SCO1: variants seen among roughly 807,000 people sequenced by gnomAD.
The protein encoded by SCO1 is synthesis of cytochrome C oxidase 1.
SCO1 carries 23 observed loss-of-function variants against 34.0 expected under a neutral mutation model. The observed-to-expected ratio is 0.68, with a 90% CI of 0.49 to 0.96. The LOEUF (loss-of-function observed/expected upper bound fraction) is 0.96, where lower values mean the gene tolerates loss of function less well. Among genes scored for constraint, SCO1 ranks in the 40% least tolerant of loss-of-function variants. The pLI is 0.00. For synonymous variants in SCO1, 161 were observed against 145.5 expected (o/e 1.11, Z -0.77); for missense variants, 404 against 381.6 (o/e 1.06, Z -0.49).
intron 4 of SCO1, among the ~76,000 whole-genome samples, chr17:10,688,183 T>C (rs1013947752): frequency 6.6e-6 from 1 of 152,190 alleles, no homozygotes; most frequent in Non-Finnish European, 1.5e-5. Flanking sequence ...AACTGAAAAC[T>C]GCTGTTTGAA....
At position 10,697,524 on chromosome 17, in the gene SCO1, G is replaced by T; in HGVS notation, c.-17C>A. The T allele has an allele frequency of 6.2e-7, 1 of 1,612,872 alleles. No individual in the cohort carries two copies. The highest frequency in any genetic ancestry group is 8.5e-7 in the Non-Finnish European group (1 of 1,179,782). ...CATCGCCATGAGCCTCGGAGACCGGGTCTCCTTTGACCCTCCCCGCGATTT... is the reference window on the plus strand; with the variant it reads ...CATCGCCATGAGCCTCGGAGACCGGTTCTCCTTTGACCCTCCCCGCGATTT... On this transcript the variant is annotated 5_prime_UTR_variant, in exon 1 of 6. Coordinates refer to ENST00000255390, the MANE Select transcript of SCO1 (RefSeq NM_004589.4).
rs2074554095 is a variant in SCO1, at chr17:10,672,651, T to C, written c.*8468A>G. 6.6e-6 allele frequency: 1 copy of C among 152,220 alleles called. No homozygotes were observed. Among genetic ancestry groups the C allele is most frequent in the Non-Finnish European group, 1.5e-5 (1 of 68,034 alleles). The allele number at this position is 152,220 out of a possible 1,614,324, so 9.4% of individuals were successfully genotyped here. On this transcript the variant is annotated 3_prime_UTR_variant, in exon 6 of 6. Transcript: ENST00000255390. The stretch of plus-strand genomic sequence containing the variant: ...CCCTGGCAATCATTTGCCACTGCAA[T>C]ATTATTAGGCCTGTGTTGAAGACTT...
At chr17:10,681,364 T>C (rs1182900549) in intron 5 of SCO1, 111 bp from the exon 6 acceptor site, 7 of 1,133,206 alleles carry the variant, frequency 6.2e-6, no homozygotes, top group Non-Finnish European at 9.2e-6. Context: ...TAAATAACCT[T>C]TACAGCATCT....
intron 5 of SCO1, chr17:10,684,101 A>T (rs1373110292): frequency 6.6e-6 from 1 of 152,254 alleles, no homozygotes; most frequent in African/African-American, 2.4e-5. Context: ...AATCTCATCA[A>T]AAGTCAAATT....
chr17:10,687,335 G>GTTAA (rs57095145), intron 4 of SCO1, among the ~76,000 whole-genome samples: 6,059 of 152,162 alleles, frequency 0.04, 389 homozygotes, highest in African/African-American at 0.13. Context: ...AAAAAAACTG[G>GTTAA]TTAATTAATA....
In SCO1 at chr17:10,687,455, G is replaced by A. The variant is rs372857261; in HGVS notation, c.656-613C>T. Among the ~76,000 whole-genome samples the A allele has an allele frequency of 1.5e-3, 225 of 152,298 alleles. 2 individuals carry two copies. The highest frequency in any genetic ancestry group is 5.1e-3 in the African/African-American group (212 of 41,560). ...GAATTCATGTAAGTGAACCGGTAGA[G>A]GTCACTTAAAACAACTGGATTCATC... On this transcript the variant is annotated intron_variant, in intron 4 of 5. Transcript: ENST00000255390.
At chr17:10,689,586 A>G (rs1337191466) in intron 4 of SCO1, among the ~76,000 whole-genome samples, 1 of 152,174 alleles carries the variant, frequency 6.6e-6, no homozygotes, top group Non-Finnish European at 1.5e-5. Flanking sequence ...CTAAGCATCC[A>G]CTCTCAATTC....
Position 10,673,974 on chromosome 17 carries a change from G to A in SCO1, c.*7145C>T, listed in dbSNP as rs1285970086. 6.6e-6 allele frequency: 1 copy of A among 152,194 alleles called. No individual in the cohort carries two copies. The highest frequency in any genetic ancestry group is 1.5e-5 in the Non-Finnish European group (1 of 68,040). The allele number at this position is 152,194 out of a possible 1,614,324, so 9.4% of individuals were successfully genotyped here. On this transcript the variant is annotated 3_prime_UTR_variant, in exon 6 of 6. Coordinates refer to ENST00000255390, the MANE Select transcript of SCO1 (RefSeq NM_004589.4). ...TCATGGGAGCGAAATTAAATAAAGA[G>A]CTTCCTGGAGGGGGAAAGATTACTT...
Position 10,697,467 on chromosome 17 carries a change from G to A in SCO1, c.41C>T (p.Pro14Leu), listed in dbSNP as rs141606021. ...GAAGCGCCAAAGTTGGCCACCCAGA[G>A]GCCGCATAACTCGTCCGGGTACTAG... ...LVLVPGRVMR[P>L]LGGQLWRFLP... Residue 14 changes from proline (P) to leucine (L), a missense_variant, in exon 1 of 6, where the codon CCT becomes CTT. By Grantham distance (98) the Pro-to-Leu change is moderately conservative (BLOSUM62 -3). Transcript: ENST00000255390. 152 of 1,613,456 alleles carry A rather than the reference G, an allele frequency of 9.4e-5. No individual in the cohort carries two copies. In the African/African-American group the frequency reaches 1.9e-3, roughly 20 times the overall value.
At position 10,679,564 on chromosome 17, in the gene SCO1, G is replaced by T. The variant is rs1470598950; in HGVS notation, c.*1555C>A. 6.6e-6 allele frequency: 1 copy of T among 152,088 alleles called. No individual in the cohort carries two copies. Among genetic ancestry groups the T allele is most frequent in the African/African-American group, 2.4e-5 (1 of 41,402 alleles). 9.4% of individuals were successfully genotyped at this position (152,088 alleles called of 1,614,324 possible). ...TGTCTATCTAGGCATTATATTTGTT[G>T]CATCTTAGGATTTACTGAAAAACTT... On this transcript the variant is annotated 3_prime_UTR_variant, in exon 6 of 6. Transcript: ENST00000255390.
intron 4 of SCO1, among the ~76,000 whole-genome samples, chr17:10,690,048 T>C (rs140108954): frequency 7.2e-5 from 11 of 152,116 alleles, no homozygotes; most frequent in Middle Eastern, 3.4e-3. Flanking sequence ...AAATCAAATA[T>C]AAATGTAGGA....
intron 4 of SCO1, among the ~76,000 whole-genome samples, chr17:10,690,431 G>GA (rs1458929937): frequency 6.6e-6 from 1 of 152,074 alleles, no homozygotes; most frequent in East Asian, 1.9e-4. Flanking sequence ...ACAAGTATAT[G>GA]AAAAAATGCT....
Position 10,692,880 on chromosome 17 carries a change from C to G in SCO1, c.446G>C (p.Arg149Pro), listed in dbSNP as rs764694798. ...ACCCAAGTAGTCCTTGTCAGTTTTA[C>G]GCTCCCCAGTATGAGTTGTGAGGGA... ...PFSLTTHTGE[R>P]KTDKDYLGQW... The change falls in exon 3 of 6, where the codon CGT (arginine) becomes CCT (proline). Residue 149 changes from arginine (R) to proline (P), a missense_variant. Coordinates refer to ENST00000255390, the MANE Select transcript of SCO1 (RefSeq NM_004589.4). 1 of 1,614,088 alleles carries G rather than the reference C, an allele frequency of 6.2e-7. No individual in the cohort carries two copies. The highest frequency in any genetic ancestry group is 8.5e-7 in the Non-Finnish European group (1 of 1,179,982).
chr17:10,683,817 T>C (rs2074637299), intron 5 of SCO1: 1 of 152,074 alleles, frequency 6.6e-6, no homozygotes, highest in South Asian at 2.1e-4. Flanking sequence ...TCGATCACTC[T>C]GAAGAGTCCA....
intron 4 of SCO1, among the ~76,000 whole-genome samples, chr17:10,688,838 C>T (rs1055358448): frequency 5.7e-5 from 8 of 141,002 alleles, no homozygotes; most frequent in Admixed American, 3.4e-4. Flanking sequence ...TTCTGCAGGC[C>T]GGGCGCGGTG....
Position 10,673,382 on chromosome 17 carries a change from G to GTGC in SCO1, c.*7734_*7736dup, listed in dbSNP as rs2074559789. On this transcript the variant is annotated 3_prime_UTR_variant, in exon 6 of 6. Transcript: ENST00000255390. Reference sequence around the variant, plus strand: ...CAATCAATCAGTGAATGACTGTCTTGTGCTGTGATCCCGCACGTTCCCGAC... The same window carrying GTGC: ...CAATCAATCAGTGAATGACTGTCTTGTGCTGCTGTGATCCCGCACGTTCCCGAC... 6.6e-6 allele frequency: 1 copy of GTGC among 152,116 alleles called. No individual in the cohort carries two copies. The highest frequency in any genetic ancestry group is 1.5e-5 in the Non-Finnish European group (1 of 68,060). The allele number at this position is 152,116 out of a possible 1,614,324, so 9.4% of individuals were successfully genotyped here.
At chr17:10,681,683 A>C (rs1028281189) in intron 5 of SCO1, among the ~76,000 whole-genome samples, 2 of 152,218 alleles carry the variant, frequency 1.3e-5, no homozygotes, top group Non-Finnish European at 2.9e-5. Context: ...AACAGACATC[A>C]CATGGAATTA....
intron 5 of SCO1, among the ~76,000 whole-genome samples, chr17:10,683,011 G>C (rs2074631974): frequency 6.6e-6 from 1 of 152,196 alleles, no homozygotes; most frequent in Admixed American, 6.5e-5. Context: ...TTTCTAGTGT[G>C]CAAGTTACGT....
At position 10,678,260 on chromosome 17, in the gene SCO1, A is replaced by G. The variant is rs1252910977; in HGVS notation, c.*2859T>C. On this transcript the variant is annotated 3_prime_UTR_variant, in exon 6 of 6. Coordinates refer to ENST00000255390, the MANE Select transcript of SCO1 (RefSeq NM_004589.4). ...AGCGCACGATAGCAGCAGAACAAACAGGAACCTACCTAGAAATTGGGACCC... is the reference window on the plus strand; with the variant it reads ...AGCGCACGATAGCAGCAGAACAAACGGGAACCTACCTAGAAATTGGGACCC... The G allele has an allele frequency of 6.6e-6, 1 of 152,260 alleles. No individual in the cohort carries two copies. Among genetic ancestry groups the G allele is most frequent in the East Asian group, 1.9e-4 (1 of 5,200 alleles). 9.4% of individuals were successfully genotyped at this position (152,260 alleles called of 1,614,324 possible).
Sources: gnomAD v4.1 joint callset for allele counts (sites outside exome capture counted in the v4.1 genomes callset) on GRCh38, gnomAD v4.1.1 for gene constraint, MANE v1.5 for transcripts, NCBI Gene and HGNC (gene_info 2026-07-23, HGNC 2026-07-21) for gene names.